The following APCDD1L variants were observed in gnomAD, a reference collection of about 807,000 sequenced individuals.
APCDD1L encodes APC down-regulated 1 like.
APCDD1L carries 21 observed loss-of-function variants against 24.2 expected under a neutral mutation model. The observed-to-expected ratio is 0.87, with a 90% confidence interval of 0.61 to 1.25. The LOEUF (loss-of-function observed/expected upper bound fraction) is 1.25. APCDD1L is among the 50% of genes most tolerant of loss of function. The probability of loss-of-function intolerance (pLI) is 0.00; values close to 1 mark genes in which losing one functional copy is unlikely to be tolerated. For synonymous variants in APCDD1L, 321 were observed against 323.6 expected (o/e 0.99, Z 0.09); for missense variants, 704 against 711.7 (o/e 0.99, Z 0.12).
chr20:58,467,257 C>G lies in APCDD1L; in HGVS notation c.590G>C (p.Ser197Thr), dbSNP rs754205603. 1.9e-6 allele frequency: 3 copies of G among 1,581,446 alleles called. No individual in the cohort carries two copies. Among genetic ancestry groups the G allele is most frequent in the East Asian group, 4.6e-5 (2 of 43,568 alleles). The change falls in exon 3 of 4, where the codon AGC becomes ACC. Residue 197 changes from serine to threonine, a missense_variant. By Grantham distance (58) the Ser-to-Thr change is moderately conservative. Coordinates refer to ENST00000371149, the MANE Select transcript of APCDD1L (RefSeq NM_153360.3). The surrounding 1 kb of genome is among the most constrained non-coding windows in gnomAD (Gnocchi z 5.9). The stretch of plus-strand genomic sequence containing the variant: ...CAGGCGGCGCTGCACGCGGACCAGG[C>G]TGAGCTCGTGCATGGTGAGGCCCAG... ...EALGLTMHEL[S>T]LVRVQRRLQP...
chr20:58,478,589 A>G (rs1447757815), intron 1 of APCDD1L, among the ~76,000 whole-genome samples: 1 of 152,164 alleles, frequency 6.6e-6, no homozygotes, highest in African/African-American at 2.4e-5. Context: ...TAAGTCATGG[A>G]AAGTGCTTAG....
chr20:58,467,489 G>A lies in APCDD1L; in HGVS notation c.358C>T (p.Arg120Trp), dbSNP rs1386842572. The A allele has an allele frequency of 6.3e-7, 1 of 1,599,078 alleles. No homozygotes were observed. The highest frequency in any genetic ancestry group is 1.7e-5 in the Admixed American group (1 of 58,176). The change falls in exon 3 of 4, where the codon CGG (arginine) becomes TGG (tryptophan). Residue 120 changes from arginine (R) to tryptophan (W), a missense_variant. Coordinates refer to ENST00000371149, the MANE Select transcript of APCDD1L (RefSeq NM_153360.3). The surrounding 1 kb of genome is among the most constrained non-coding windows in gnomAD (Gnocchi z 5.9). ...TGGTAGTCGGCCTCGGTGGCTCCCC[G>A]GGTGACCCAGGAGGCCCGGCGCAGG... is the stretch of plus-strand genomic sequence containing the variant. Reference protein sequence around the residue: ...VRLRRASWVTRGATEADYHLH... With the variant: ...VRLRRASWVTWGATEADYHLH...
At chr20:58,492,482 G>A (rs1716253372) in intron 1 of APCDD1L, among the ~76,000 whole-genome samples, 1 of 152,222 alleles carries the variant, frequency 6.6e-6, no homozygotes, top group Admixed American at 6.5e-5. Flanking sequence ...AAGACCCAAT[G>A]AGGCTATATT....
At chr20:58,503,849 C>T (rs927111277) in intron 1 of APCDD1L, among the ~76,000 whole-genome samples, 1 of 152,216 alleles carries the variant, frequency 6.6e-6, no homozygotes, top group Non-Finnish European at 1.5e-5. Context: ...GGCATGGATC[C>T]AAGGGATGCT....
At chr20:58,501,781 C>T (rs1484338230) in intron 1 of APCDD1L, among the ~76,000 whole-genome samples, 1 of 152,176 alleles carries the variant, frequency 6.6e-6, no homozygotes, top group Non-Finnish European at 1.5e-5. Context: ...ACCAGAGAGC[C>T]TTTTTGAGCC....
rs571582589 is a variant in APCDD1L, at chr20:58,488,153, G to A, written c.50-17406C>T. Among the ~76,000 whole-genome samples, 127 of 152,264 alleles carry A rather than the reference G, an allele frequency of 8.3e-4. 7 individuals carry two copies. The South Asian group carries it at 0.024, about 28-fold the overall frequency. ...TAAATTGAGTGCTGTTCTGAGTAGC[G>A]TGATGAAATCTTGCACCATTCTGCT... On this transcript the variant is annotated intron_variant, in intron 1 of 3. Coordinates refer to ENST00000371149, the MANE Select transcript of APCDD1L (RefSeq NM_153360.3).
chr20:58,510,261 C>G (rs957128588), intron 1 of APCDD1L, among the ~76,000 whole-genome samples: 1 of 152,180 alleles, frequency 6.6e-6, no homozygotes, highest in Non-Finnish European at 1.5e-5. Context: ...CACCTCACAC[C>G]AGTGTGTGGC....
At chr20:58,509,004 G>GTA (rs1990577098) in intron 1 of APCDD1L, among the ~76,000 whole-genome samples, 1 of 151,750 alleles carries the variant, frequency 6.6e-6, no homozygotes, top group African/African-American at 2.4e-5. Context: ...GTGTGTGTGT[G>GTA]TGTGTGTGTG....
intron 1 of APCDD1L, among the ~76,000 whole-genome samples, chr20:58,511,108 T>C (rs1173343039): frequency 6.6e-6 from 1 of 152,222 alleles, no homozygotes; most frequent in Non-Finnish European, 1.5e-5. Flanking sequence ...GTCACAGCTA[T>C]CACCATTCCC....
rs1053791565 is a variant in APCDD1L at position 58,460,021 on chromosome 20, G to T, written c.*769C>A. 1 of 152,310 alleles carries T rather than the reference G, an allele frequency of 6.6e-6. No homozygotes were observed. The highest frequency in any genetic ancestry group is 2.4e-5 in the African/African-American group (1 of 41,470). 9.4% of individuals were successfully genotyped at this position (152,310 alleles called of 1,614,324 possible). A position where few individuals can be genotyped will look rare whatever the true frequency, so the allele number is the denominator to read the frequency against. On this transcript the variant is annotated 3_prime_UTR_variant, in exon 4 of 4. Coordinates refer to ENST00000371149, the MANE Select transcript of APCDD1L (RefSeq NM_153360.3). The surrounding 1 kb of genome is among the most constrained non-coding windows in gnomAD (Gnocchi z 4.2). ...CCTGGGCCAGGAAGGCTTGGAGGCC[G>T]CAGGCTGCTCTGGGGAGGCCATGCT...
At chr20:58,477,164 T>C (rs1162358930) in intron 1 of APCDD1L, among the ~76,000 whole-genome samples, 4 of 152,228 alleles carry the variant, frequency 2.6e-5, no homozygotes, top group Non-Finnish European at 5.9e-5. Flanking sequence ...CATTGTGCAA[T>C]GATCAGAACC....
chr20:58,513,836 TA>T, intron 1 of APCDD1L: 1 of 1,257,892 alleles, frequency 7.9e-7, no homozygotes, highest in Non-Finnish European at 1.1e-6. Context: ...GACGGGTTGA[TA>T]TGATGTTGAT....
At chr20:58,468,018 C>A (rs1268057245) in intron 2 of APCDD1L, among the ~76,000 whole-genome samples, 1 of 152,142 alleles carries the variant, frequency 6.6e-6, no homozygotes, top group Non-Finnish European at 1.5e-5. Flanking sequence ...GGCCCAGAGC[C>A]CGCCCCACTC....
chr20:58,481,671 G>A (rs1038779129), intron 1 of APCDD1L, among the ~76,000 whole-genome samples: 1 of 152,204 alleles, frequency 6.6e-6, no homozygotes, highest in Non-Finnish European at 1.5e-5. Flanking sequence ...GCTTCCACAA[G>A]GGGGCCCTCT....
At chr20:58,480,543 A>G (rs1990004470) in intron 1 of APCDD1L, among the ~76,000 whole-genome samples, 1 of 152,160 alleles carries the variant, frequency 6.6e-6, no homozygotes, top group African/African-American at 2.4e-5. Context: ...TGTTTGTGTG[A>G]CATGTGCTTA....
chr20:58,494,854 C>T lies in APCDD1L; in HGVS notation c.49+19805G>A, dbSNP rs1172976339. Among the ~76,000 whole-genome samples the T allele has an allele frequency of 6.6e-6, 1 of 152,146 alleles. No individual in the cohort carries two copies. The highest frequency in any genetic ancestry group is 1.5e-5 in the Non-Finnish European group (1 of 68,022). On this transcript the variant is annotated intron_variant, in intron 1 of 3. Coordinates refer to ENST00000371149, the MANE Select transcript of APCDD1L (RefSeq NM_153360.3). The surrounding 1 kb of genome is among the most constrained non-coding windows in gnomAD (Gnocchi z 4.8). Reference sequence around the variant, plus strand: ...CTTGGCCACACCCCACTTGTACCCACCCTGGGGCCTGTGCACTTGCCGGTC... The same window carrying T: ...CTTGGCCACACCCCACTTGTACCCATCCTGGGGCCTGTGCACTTGCCGGTC...
rs190006296 is a variant in APCDD1L, at chr20:58,471,335, G to A, written c.50-588C>T. 1.9e-3 allele frequency among the ~76,000 whole-genome samples: 284 copies of A among 152,372 alleles called. 9 individuals carry two copies. The South Asian group carries it at 0.029, about 16-fold the overall frequency. On this transcript the variant is annotated intron_variant, in intron 1 of 3. Transcript: ENST00000371149. Reference sequence around the variant, plus strand: ...GGTGCTGGGCACCTGCTATCTACTCGGTGCTCAGCGAGCGTGTGGCAAGGG... The same window carrying A: ...GGTGCTGGGCACCTGCTATCTACTCAGTGCTCAGCGAGCGTGTGGCAAGGG...
intron 1 of APCDD1L, among the ~76,000 whole-genome samples, chr20:58,481,110 G>A (rs574728703): frequency 6.6e-6 from 1 of 152,338 alleles, no homozygotes; most frequent in Non-Finnish European, 1.5e-5. Flanking sequence ...ATGACAGCTT[G>A]TAGCATCACT....
chr20:58,466,813 G>A (rs2054114622), intron 3 of APCDD1L, among the ~76,000 whole-genome samples: 1 of 152,234 alleles, frequency 6.6e-6, no homozygotes, highest in South Asian at 2.1e-4. Context: ...AGCAGGGGCA[G>A]AAATGAGATC....
Sources: allele counts gnomAD v4.1 joint callset (sites outside exome capture counted in the v4.1 genomes callset), GRCh38; gene constraint gnomAD v4.1.1; non-coding constraint Gnocchi (gnomAD v3.1); transcripts MANE v1.5; gene names NCBI Gene and HGNC (gene_info 2026-07-23, HGNC 2026-07-21).